Variants in ZNF710 observed in about 807,000 individuals in gnomAD.
ZNF710 encodes the protein zinc finger protein 710.
ZNF710 carries 13 observed loss-of-function variants against 50.6 expected under a neutral mutation model. That is an observed-to-expected ratio of 0.26 (90% CI 0.17 to 0.41). ZNF710 has a LOEUF of 0.41. Ranked by LOEUF, ZNF710 falls within the 10% of genes least tolerant of loss-of-function variation. ZNF710 has a pLI of 1.00. For missense variants in ZNF710, 721 were observed against 936.6 expected (o/e 0.77, Z 3.01); for synonymous variants, 383 against 397.0 (o/e 0.96, Z 0.42).
intron 1 of ZNF710, among the ~76,000 whole-genome samples, chr15:90,046,898 C>T (rs1452272697): frequency 5.9e-5 from 9 of 152,112 alleles, no homozygotes; most frequent in Admixed American, 5.2e-4. Flanking sequence ...TTGGGGCAGG[C>T]ACCATAGAGA....
Position 90,067,095 on chromosome 15 carries a change from C to T in ZNF710, c.-28-15C>T. 1 of 1,545,712 alleles carries T rather than the reference C, an allele frequency of 6.5e-7. No individual in the cohort carries two copies. Among genetic ancestry groups the T allele is most frequent in the East Asian group, 2.3e-5 (1 of 44,292 alleles). Reference sequence around the variant, plus strand: ...AGTGAGCCAGCAATATTAACCTTCCCTTCTCCACCCACAGCGATGCCCTCC... The same window carrying T: ...AGTGAGCCAGCAATATTAACCTTCCTTTCTCCACCCACAGCGATGCCCTCC... On this transcript the variant is annotated splice_polypyrimidine_tract_variant and intron_variant, in intron 1 of 4. Coordinates refer to ENST00000268154, the MANE Select transcript of ZNF710 (RefSeq NM_198526.4). This position sits in a 1 kb window ranked among gnomAD's most constrained non-coding sequence, Gnocchi z 8.1.
rs1388012356 is a variant in ZNF710, at chr15:90,074,011, A to C, written c.1651-105A>C. The C allele has an allele frequency of 1.2e-4, 157 of 1,266,278 alleles. 4 individuals carry two copies. Among genetic ancestry groups the C allele is most frequent in the Middle Eastern group, 2.7e-4 (1 of 3,770 alleles). 78.4% of individuals were successfully genotyped at this position (1,266,278 alleles called of 1,614,324 possible). A position where few individuals can be genotyped will look rare whatever the true frequency, so the allele number is the denominator to read the frequency against. ...TCTCAAAAAAAAAACAAAAAAAAAAAACAAAAGAATAGGATTCTGGCCCAG... is the reference window on the plus strand; with the variant it reads ...TCTCAAAAAAAAAACAAAAAAAAAACACAAAAGAATAGGATTCTGGCCCAG... On this transcript the variant is annotated intron_variant, in intron 3 of 4. Coordinates refer to ENST00000268154, the MANE Select transcript of ZNF710 (RefSeq NM_198526.4).
chr15:90,011,842 T>C (rs1567219709), intron 1 of ZNF710, among the ~76,000 whole-genome samples: 1 of 152,200 alleles, frequency 6.6e-6, no homozygotes, highest in Non-Finnish European at 1.5e-5. Flanking sequence ...GTATAAAACA[T>C]TAGCCTGACC....
chr15:90,077,630 A>G (rs1220373221), intron 4 of ZNF710, among the ~76,000 whole-genome samples: 2 of 152,126 alleles, frequency 1.3e-5, no homozygotes, highest in Admixed American at 6.6e-5. Flanking sequence ...AACAGCCCAA[A>G]TCTATAAGAT....
At position 90,056,971 on chromosome 15, in the gene ZNF710, G is replaced by A. The variant is rs531508045; in HGVS notation, c.-28-10139G>A. Among the ~76,000 whole-genome samples, 7 of 152,158 alleles carry A rather than the reference G, an allele frequency of 4.6e-5. No individual in the cohort carries two copies. In the East Asian group the frequency reaches 7.7e-4, roughly 17 times the overall value. On this transcript the variant is annotated intron_variant, in intron 1 of 4. Coordinates refer to ENST00000268154, the MANE Select transcript of ZNF710 (RefSeq NM_198526.4). Reference sequence around the variant, plus strand: ...GGGGCTGGGCACCATCCAGAATCCCGGTGCCTTCTGGGATCAGCATTCCCT... The same window carrying A: ...GGGGCTGGGCACCATCCAGAATCCCAGTGCCTTCTGGGATCAGCATTCCCT...
chr15:90,037,758 C>T (rs528604335), intron 1 of ZNF710, among the ~76,000 whole-genome samples: 1 of 152,312 alleles, frequency 6.6e-6, no homozygotes, highest in African/African-American at 2.4e-5. Flanking sequence ...TGTGGGGTGC[C>T]AGAATCTGTG....
At chr15:90,017,234 G>C (rs1383550877) in intron 1 of ZNF710, among the ~76,000 whole-genome samples, 1 of 152,190 alleles carries the variant, frequency 6.6e-6, no homozygotes, top group Non-Finnish European at 1.5e-5. Context: ...TAATTAAAGG[G>C]AGGGAGAGGT....
chr15:90,044,075 A>G lies in ZNF710; in HGVS notation c.-28-23035A>G, dbSNP rs565338390. Among the ~76,000 whole-genome samples the G allele has an allele frequency of 7.4e-4, 112 of 152,352 alleles. 1 individual carries two copies. Among genetic ancestry groups the G allele is most frequent in the Admixed American group, 1.1e-3 (17 of 15,300 alleles). On this transcript the variant is annotated intron_variant, in intron 1 of 4. Transcript: ENST00000268154. ...TGCTCTAAATGTGTAAAACAACAAC[A>G]ACAAACAACAAAAACCTGTTGAAGA...
intron 4 of ZNF710, chr15:90,075,704 G>A (rs1371686949): frequency 6.6e-6 from 1 of 152,204 alleles, no homozygotes; most frequent in Non-Finnish European, 1.5e-5. Context: ...AATGGCCTGG[G>A]TTTTCTGGCA....
intron 1 of ZNF710, among the ~76,000 whole-genome samples, chr15:90,039,810 G>A (rs569907079): frequency 1.3e-5 from 2 of 152,244 alleles, no homozygotes; most frequent in East Asian, 1.9e-4. Flanking sequence ...CTGGATAACC[G>A]TGCTTGTTAG....
In ZNF710 at chr15:90,079,700, C is replaced by T. The variant is rs762430420; in HGVS notation, c.1866C>T (p.Leu622=). 3.1e-6 allele frequency: 5 copies of T among 1,613,876 alleles called. No individual in the cohort carries two copies. Among genetic ancestry groups the T allele is most frequent in the South Asian group, 1.1e-5 (1 of 91,044 alleles). The part of the protein sequence containing the change: ...MELTGTDPSE[L]DGQQEMEDFE... ...TGACAGGCACTGACCCTTCAGAGCT[C>T]GACGGCCAGCAGGAGATGGAGGACT... Residue 622 remains leucine, a synonymous_variant, in exon 5 of 5, where the codon CTC becomes CTT. Coordinates refer to ENST00000268154, the MANE Select transcript of ZNF710 (RefSeq NM_198526.4).
At chr15:90,024,058 G>A (rs1373793489) in intron 1 of ZNF710, among the ~76,000 whole-genome samples, 1 of 151,846 alleles carries the variant, frequency 6.6e-6, no homozygotes, top group Non-Finnish European at 1.5e-5. Flanking sequence ...TAGGGAGGGG[G>A]CAAGGACCAG....
Position 90,074,004 on chromosome 15 carries a change from A to AAC in ZNF710, c.1651-111_1651-110insCA, listed in dbSNP as rs1567245980. 4.2e-5 allele frequency: 51 copies of AAC among 1,213,970 alleles called. 1 individual carries two copies. The African/African-American group carries it at 4.3e-4, about 10-fold the overall frequency. 75.2% of individuals were successfully genotyped at this position (1,213,970 alleles called of 1,614,324 possible). The stretch of plus-strand genomic sequence containing the variant: ...GAGTCTGTCTCAAAAAAAAAACAAA[A>AAC]AAAAAAAACAAAAGAATAGGATTCT... On this transcript the variant is annotated intron_variant, in intron 3 of 4. Coordinates refer to ENST00000268154, the MANE Select transcript of ZNF710 (RefSeq NM_198526.4).
At chr15:90,023,252 A>G (rs1280208386) in intron 1 of ZNF710, among the ~76,000 whole-genome samples, 1 of 152,240 alleles carries the variant, frequency 6.6e-6, no homozygotes, top group African/African-American at 2.4e-5. Flanking sequence ...CCAGAAAAGT[A>G]AAGCAGGAGC....
intron 1 of ZNF710, among the ~76,000 whole-genome samples, chr15:90,010,904 G>GT (rs1898281351): frequency 1.5e-5 from 2 of 133,452 alleles, no homozygotes. Context: ...TTGAACTTCT[G>GT]TTTTTTATTG....
intron 1 of ZNF710, among the ~76,000 whole-genome samples, chr15:90,018,383 G>C (rs569275268): frequency 2.0e-5 from 3 of 152,102 alleles, no homozygotes; most frequent in South Asian, 4.1e-4. Context: ...TGGCAGGCTG[G>C]TCTTGAACTC....
intron 1 of ZNF710, among the ~76,000 whole-genome samples, chr15:90,037,452 G>T (rs1222791852): frequency 6.6e-6 from 1 of 152,210 alleles, no homozygotes; most frequent in Non-Finnish European, 1.5e-5. Flanking sequence ...CCCCTGGACA[G>T]AAGGAACTAG....
At chr15:90,018,318 G>A (rs1373656490) in intron 1 of ZNF710, among the ~76,000 whole-genome samples, 1 of 151,984 alleles carries the variant, frequency 6.6e-6, no homozygotes, top group African/African-American at 2.4e-5. Flanking sequence ...ACAGGCGTGT[G>A]CCACCACACC....
chr15:90,042,698 C>G (rs1052749683), intron 1 of ZNF710, among the ~76,000 whole-genome samples: 1 of 152,200 alleles, frequency 6.6e-6, no homozygotes, highest in Admixed American at 6.5e-5. Context: ...AGGGAACACT[C>G]ACCTGTGATC....
Sources: gnomAD v4.1 joint callset for allele counts (sites outside exome capture counted in the v4.1 genomes callset) on GRCh38, gnomAD v4.1.1 for gene constraint, Gnocchi (gnomAD v3.1) non-coding constraint, MANE v1.5 for transcripts, NCBI Gene and HGNC (gene_info 2026-07-23, HGNC 2026-07-21) for gene names.